APBB1: variants seen among roughly 807,000 people sequenced by gnomAD.
The protein encoded by APBB1 is adaptor protein FE65a2.
APBB1 carries 22 observed loss-of-function variants against 78.4 expected under a neutral mutation model. The observed-to-expected ratio is 0.28, with a 90% CI of 0.20 to 0.40. The LOEUF (loss-of-function observed/expected upper bound fraction) is 0.40, where lower values mean the gene tolerates loss of function less well. Among genes scored for constraint, APBB1 ranks in the 10% least tolerant of loss-of-function variants. APBB1 has a pLI of 1.00. For synonymous variants in APBB1, 369 were observed against 372.7 expected (o/e 0.99, Z 0.12); for missense variants, 749 against 932.4 (o/e 0.80, Z 2.56).
rs527463686 is a variant in APBB1, at chr11:6,414,435, C to G, written c.-14-3074G>C. 7.2e-5 allele frequency among the ~76,000 whole-genome samples: 11 copies of G among 152,290 alleles called. No individual in the cohort carries two copies. In the South Asian group the frequency reaches 8.3e-4, roughly 11 times the overall value. Reference sequence around the variant, plus strand: ...CGGTGTCTTATTCAATTTCACATTCCCATTACCAAAGAGAGTGTGCCGTGT... The same window carrying G: ...CGGTGTCTTATTCAATTTCACATTCGCATTACCAAAGAGAGTGTGCCGTGT... On this transcript the variant is annotated intron_variant, in intron 1 of 14. Coordinates refer to ENST00000609360, the MANE Select transcript of APBB1 (RefSeq NM_001164.5).
chr11:6,404,166 G>C (rs1319498791), intron 2 of APBB1: 2 of 353,768 alleles, frequency 5.7e-6, no homozygotes, highest in Non-Finnish European at 1.0e-5. Context: ...TTAACACGAA[G>C]GTGAACACTT....
intron 2 of APBB1, chr11:6,405,377 C>G (rs1035072298): frequency 4.1e-6 from 4 of 986,640 alleles, no homozygotes; most frequent in Non-Finnish European, 4.8e-6. Context: ...CACCACCCCC[C>G]ACCCCTCACC....
rs1299784428 is a variant in APBB1, at chr11:6,414,270, C to T, written c.-14-2909G>A. On this transcript the variant is annotated intron_variant, in intron 1 of 14. Transcript: ENST00000609360. ...GGAATTCTGTCTCCCCTTGTGAGAA[C>T]CTCTGCTTGTATTTCAAAACTAACC... Among the ~76,000 whole-genome samples the T allele has an allele frequency of 4.6e-5, 7 of 152,144 alleles. No individual in the cohort carries two copies. In the South Asian group the frequency reaches 8.3e-4, roughly 18 times the overall value.
intron 1 of APBB1, among the ~76,000 whole-genome samples, chr11:6,415,022 G>A (rs1182303910): frequency 6.6e-6 from 1 of 152,214 alleles, no homozygotes; most frequent in African/African-American, 2.4e-5. Context: ...ATTAGAGGAA[G>A]AATGGTGAAA....
chr11:6,406,083 C>T (rs538276341), intron 2 of APBB1, among the ~76,000 whole-genome samples: 1 of 152,218 alleles, frequency 6.6e-6, no homozygotes, highest in Non-Finnish European at 1.5e-5. Context: ...AGTTTCTCCC[C>T]CCTTGGCCAT....
Position 6,403,081 on chromosome 11 carries a change from A to G in APBB1, c.1104+64T>C. ...GCGCTGAGACCCCTCAGAGCACAAC[A>G]TTAGGGGCTGTCTGACAAATAAGAG... On this transcript the variant is annotated intron_variant, in intron 6 of 14. Transcript: ENST00000609360. This position sits in a 1 kb window ranked among gnomAD's most constrained non-coding sequence, Gnocchi z 5.3. 6.7e-7 allele frequency: 1 copy of G among 1,490,194 alleles called. No homozygotes were observed. Among genetic ancestry groups the G allele is most frequent in the South Asian group, 1.3e-5 (1 of 78,624 alleles). 92.3% of individuals were successfully genotyped at this position (1,490,194 alleles called of 1,614,324 possible).
At chr11:6,399,363 A>C (rs56279018) in intron 12 of APBB1, among the ~76,000 whole-genome samples, 14 of 152,330 alleles carry the variant, frequency 9.2e-5, no homozygotes, top group Non-Finnish European at 1.6e-4. Context: ...GTGAGCTCAC[A>C]ATCTCTACGC....
Position 6,401,486 on chromosome 11 carries a change from T to C in APBB1, c.1504-57A>G, listed in dbSNP as rs765825031. 7 of 1,612,282 alleles carry C rather than the reference T, an allele frequency of 4.3e-6. No individual in the cohort carries two copies. The African/African-American group carries it at 6.7e-5, about 15-fold the overall frequency. The stretch of plus-strand genomic sequence containing the variant: ...AGAATCTATTAGAGCCTCATTGCCC[T>C]GGGGCCCCCCTACAGCACTCAGTGA... On this transcript the variant is annotated intron_variant, in intron 10 of 14. Coordinates refer to ENST00000609360, the MANE Select transcript of APBB1 (RefSeq NM_001164.5). The surrounding 1 kb of genome is among the most constrained non-coding windows in gnomAD (Gnocchi z 4.5).
In APBB1 at chr11:6,401,068, T is replaced by C; in HGVS notation, c.1593A>G (p.Glu531=). The stretch of plus-strand genomic sequence containing the variant: ...CCAACTCATTCTTAGGCGCTGGGAA[T>C]TCCACTATGGGAAAGAAGAGAAGGT... The part of the protein sequence containing the change: ...SKLVDVPFQV[E]FPAPKNELVQ... Residue 531 remains glutamate (E), a synonymous_variant, in exon 12 of 15, where the codon GAA becomes GAG. Transcript: ENST00000609360. The surrounding 1 kb of genome is among the most constrained non-coding windows in gnomAD (Gnocchi z 4.5). 1 of 1,614,092 alleles carries C rather than the reference T, an allele frequency of 6.2e-7. No homozygotes were observed. Among genetic ancestry groups the C allele is most frequent in the South Asian group, 1.1e-5 (1 of 91,074 alleles).
intron 2 of APBB1, among the ~76,000 whole-genome samples, chr11:6,404,221 T>C (rs954819301): frequency 6.6e-6 from 1 of 152,148 alleles, no homozygotes; most frequent in African/African-American, 2.4e-5. Flanking sequence ...ACACAACACA[T>C]ACAAGCCCTA....
chr11:6,407,283 C>T (rs1403115110), intron 2 of APBB1, among the ~76,000 whole-genome samples: 1 of 152,164 alleles, frequency 6.6e-6, no homozygotes, highest in African/African-American at 2.4e-5. Context: ...CTTGCCACTC[C>T]AACATCCTTG....
rs567443915 is a variant in APBB1, at chr11:6,395,912, G to T, written c.1839C>A (p.Ala613=). ...ECRVRFLSFL[A]VGRDVHTFAF... ...CAAACGTGTGGACATCTCTGCCCACGGCCAGGAAGGAGAGGAAACGCACCC... is the reference window on the plus strand; with the variant it reads ...CAAACGTGTGGACATCTCTGCCCACTGCCAGGAAGGAGAGGAAACGCACCC... The change falls in exon 14 of 15, where the codon GCC becomes GCA. Residue 613 remains alanine, a synonymous_variant. Transcript: ENST00000609360. The surrounding 1 kb of genome is among the most constrained non-coding windows in gnomAD (Gnocchi z 5.2). The T allele has an allele frequency of 6.2e-7, 1 of 1,613,980 alleles. No individual in the cohort carries two copies. The highest frequency in any genetic ancestry group is 8.5e-7 in the Non-Finnish European group (1 of 1,180,006).
At position 6,401,491 on chromosome 11, in the gene APBB1, C is replaced by A. The variant is rs780987722; in HGVS notation, c.1504-62G>T. The A allele has an allele frequency of 9.9e-6, 16 of 1,611,972 alleles. No individual in the cohort carries two copies. The highest frequency in any genetic ancestry group is 1.4e-5 in the Non-Finnish European group (16 of 1,178,576). On this transcript the variant is annotated intron_variant, in intron 10 of 14. Coordinates refer to ENST00000609360, the MANE Select transcript of APBB1 (RefSeq NM_001164.5). This position sits in a 1 kb window ranked among gnomAD's most constrained non-coding sequence, Gnocchi z 4.5. ...CTATTAGAGCCTCATTGCCCTGGGG[C>A]CCCCCTACAGCACTCAGTGACCCCA...
At position 6,402,726 on chromosome 11, in the gene APBB1, C is replaced by T. The variant is rs905217439; in HGVS notation, c.1105-1G>A. The T allele has an allele frequency of 7.4e-6, 12 of 1,613,988 alleles. No homozygotes were observed. Among genetic ancestry groups the T allele is most frequent in the Non-Finnish European group, 1.0e-5 (12 of 1,179,980 alleles). On this transcript the variant is annotated splice_acceptor_variant, in intron 6 of 14. Transcript: ENST00000609360. LOFTEE classifies it high-confidence loss of function. ...AGCCTAGGGAGCGCACGGCGAAACA[C>T]TGCCAGACACAGAAGAGGGGCAGGA...
chr11:6,397,167 C>T (rs945245872), intron 12 of APBB1, among the ~76,000 whole-genome samples: 1 of 152,268 alleles, frequency 6.6e-6, no homozygotes, highest in Admixed American at 6.5e-5. Context: ...CTGCACAATG[C>T]CAGTGCAAAA....
intron 12 of APBB1, among the ~76,000 whole-genome samples, chr11:6,399,878 T>A (rs2134051288): frequency 6.6e-6 from 1 of 152,274 alleles, no homozygotes; most frequent in South Asian, 2.1e-4. Flanking sequence ...CTGTAGACCC[T>A]GATCTTCCCC....
intron 2 of APBB1, chr11:6,405,736 C>T (rs1848776284): frequency 2.1e-6 from 2 of 942,494 alleles, no homozygotes; most frequent in Non-Finnish European, 2.5e-6. Flanking sequence ...ACCGCCTCTC[C>T]TCACCCCCAC....
intron 2 of APBB1, among the ~76,000 whole-genome samples, chr11:6,408,388 C>T (rs1046202546): frequency 3.3e-5 from 5 of 152,196 alleles, no homozygotes; most frequent in African/African-American, 1.2e-4. Context: ...GACATGGTTG[C>T]TCACACCTGT....
intron 1 of APBB1, among the ~76,000 whole-genome samples, chr11:6,412,805 T>C (rs924822772): frequency 1.3e-5 from 2 of 152,162 alleles, no homozygotes; most frequent in African/African-American, 4.8e-5. Flanking sequence ...CCTCTGCCAG[T>C]GTCAGAAAAC....
Sources: gnomAD v4.1 joint callset for allele counts (sites outside exome capture counted in the v4.1 genomes callset) on GRCh38, gnomAD v4.1.1 for gene constraint, Gnocchi (gnomAD v3.1) non-coding constraint, MANE v1.5 for transcripts, NCBI Gene and HGNC (gene_info 2026-07-23, HGNC 2026-07-21) for gene names.